The following MYT1 variants were observed in gnomAD, a reference collection of about 807,000 sequenced individuals.
MYT1 encodes myelin transcription factor I.
MYT1 carries 23 observed loss-of-function variants against 123.0 expected under a neutral mutation model. That is an observed-to-expected ratio of 0.19 (90% confidence interval 0.13 to 0.26). The LOEUF is 0.26. Among genes scored for constraint, MYT1 ranks in the 10% least tolerant of loss-of-function variants. The pLI, the probability that MYT1 is intolerant of heterozygous loss-of-function variation, is 1.00. For missense variants in MYT1, 1,125 were observed against 1,472.5 expected (o/e 0.76, Z 3.86); for synonymous variants, 518 against 575.3 (o/e 0.90, Z 1.43).
chr20:64,237,350 A>C lies in MYT1; in HGVS notation c.3053A>C (p.Asn1018Thr), dbSNP rs1438184553. 26 of 1,609,736 alleles carry C rather than the reference A, an allele frequency of 1.6e-5. No homozygotes were observed. Among genetic ancestry groups the C allele is most frequent in the Non-Finnish European group, 2.1e-5 (25 of 1,178,944 alleles). ...NQEIRDLNESNSEMEAAMVQL... is the reference protein window; with the variant it reads ...NQEIRDLNESTSEMEAAMVQL... ...GAGATCCGAGACCTGAACGAGTCCA[A>C]CTCGGAGATGGAGGCTGCCATGGTG... Residue 1018 changes from asparagine (N) to threonine (T), a missense_variant, in exon 21 of 23, where the codon AAC (asparagine) becomes ACC (threonine). Coordinates refer to ENST00000328439, the MANE Select transcript of MYT1 (RefSeq NM_004535.3).
At position 64,218,633 on chromosome 20, in the gene MYT1, C is replaced by A. The variant is rs923148900; in HGVS notation, c.1847-278C>A. ...CAGAAACAAGATTGTCTCCTCAGTC[C>A]CCTAGAGGAGGGTGGGTGGGAGTGA... On this transcript the variant is annotated intron_variant, in intron 11 of 22. Transcript: ENST00000328439. This position sits in a 1 kb window ranked among gnomAD's most constrained non-coding sequence, Gnocchi z 4.0. Among the ~76,000 whole-genome samples the A allele has an allele frequency of 3.3e-5, 5 of 152,114 alleles. No individual in the cohort carries two copies. The highest frequency in any genetic ancestry group is 1.2e-4 in the African/African-American group (5 of 41,414).
Position 64,211,251 on chromosome 20 carries a change from G to C in MYT1, c.1337G>C (p.Gly446Ala). The change falls in exon 8 of 23, where the codon GGC (glycine) becomes GCC (alanine). Residue 446 changes from glycine (G) to alanine (A), a missense_variant. Gly to Ala is a moderately conservative substitution (Grantham distance 60). Transcript: ENST00000328439. ...CGTGAGATCAAGTGTCCAACACCAG[G>C]CTGTGATGGCACTGGCCACGTTACC... is the stretch of plus-strand genomic sequence containing the variant. ...EKREIKCPTP[G>A]CDGTGHVTGL... 6.2e-7 allele frequency: 1 copy of C among 1,614,086 alleles called. No individual in the cohort carries two copies. Among genetic ancestry groups the C allele is most frequent in the South Asian group, 1.1e-5 (1 of 91,030 alleles).
At position 64,186,953 on chromosome 20, in the gene MYT1, C is replaced by T. The variant is rs796418949; in HGVS notation, c.-98-3110C>T. ...AGAGTTTTCCTGTAGCACGTGGCTC[C>T]GGCATCCACGTTTCCGTGGAGAGTT... On this transcript the variant is annotated intron_variant, in intron 1 of 22. Coordinates refer to ENST00000328439, the MANE Select transcript of MYT1 (RefSeq NM_004535.3). The surrounding 1 kb of genome is among the most constrained non-coding windows in gnomAD (Gnocchi z 4.3). Among the ~76,000 whole-genome samples the T allele has an allele frequency of 2.1e-5, 3 of 146,122 alleles. No individual in the cohort carries two copies. The highest frequency in any genetic ancestry group is 6.8e-5 in the Admixed American group (1 of 14,726).
In MYT1 at chr20:64,231,627, C is replaced by G. The variant is rs927687691; in HGVS notation, c.2676-537C>G. On this transcript the variant is annotated intron_variant, in intron 18 of 22. Transcript: ENST00000328439. The surrounding 1 kb of genome is among the most constrained non-coding windows in gnomAD (Gnocchi z 6.4). ...CTGCAACATCTATGGGCATTGCCCC[C>G]TGATTGCACTGGCCTCAGTCTGGGA... Among the ~76,000 whole-genome samples, 3 of 152,216 alleles carry G rather than the reference C, an allele frequency of 2.0e-5. No homozygotes were observed. Among genetic ancestry groups the G allele is most frequent in the Non-Finnish European group, 2.9e-5 (2 of 68,028 alleles).
chr20:64,216,195 C>T (rs1983833912), intron 10 of MYT1, among the ~76,000 whole-genome samples: 1 of 152,228 alleles, frequency 6.6e-6, no homozygotes, highest in South Asian at 2.1e-4. Context: ...TGTACACTTT[C>T]CAGACTGAAG....
In MYT1 at chr20:64,207,924, C is replaced by T. The variant is rs1390250102; in HGVS notation, c.728C>T (p.Ala243Val). 4 of 1,611,678 alleles carry T rather than the reference C, an allele frequency of 2.5e-6. No homozygotes were observed. The South Asian group carries it at 3.3e-5, about 13-fold the overall frequency. ...QDLCPQSLEDAASEESSKQKG... is the reference protein window; with the variant it reads ...QDLCPQSLEDVASEESSKQKG... ...CTGTGTCCCCAGTCCCTGGAGGATG[C>T]AGCCAGTGAGGAGTCCAGCAAGCAG... The change falls in exon 7 of 23, where the codon GCA becomes GTA. Residue 243 changes from alanine (A) to valine (V), a missense_variant. Ala to Val is a moderately conservative substitution (Grantham distance 64). Transcript: ENST00000328439.
chr20:64,225,710 T>G (rs986501570), intron 16 of MYT1, among the ~76,000 whole-genome samples: 3 of 152,120 alleles, frequency 2.0e-5, no homozygotes, highest in Non-Finnish European at 4.4e-5. Context: ...TCCAGATTCC[T>G]GCAGCTGACC....
chr20:64,220,010 C>T, intron 13 of MYT1, 28 bp downstream of exon 13: 1 of 1,441,654 alleles, frequency 6.9e-7, no homozygotes, highest in Non-Finnish European at 9.1e-7. Context: ...GGCAAGCAGT[C>T]AGGCGGCTGC....
Position 64,240,349 on chromosome 20 carries a change from C to G in MYT1, c.3267C>G (p.Ala1089=). 1 of 1,614,090 alleles carries G rather than the reference C, an allele frequency of 6.2e-7. No individual in the cohort carries two copies. Residue 1089 remains alanine (A), a synonymous_variant, in exon 23 of 23, where the codon GCC becomes GCG. Transcript: ENST00000328439. ...CAATATGCGAACAGAATTTCGATGC[C>G]TATGTGAGCACCCTCACCGACATGT... ...MEPICEQNFD[A]YVSTLTDMYS...
intron 22 of MYT1, 52 bp from the exon 23 acceptor site, chr20:64,240,268 G>T: frequency 6.3e-7 from 1 of 1,595,412 alleles, no homozygotes; most frequent in Non-Finnish European, 8.5e-7. Flanking sequence ...AGGCTCTGCG[G>T]TGTGGGGCCC....
intron 6 of MYT1, 149 bp downstream of exon 6, chr20:64,205,949 C>T: frequency 7.7e-7 from 1 of 1,305,438 alleles, no homozygotes; most frequent in East Asian, 2.5e-5. Context: ...TGCTGGGCTT[C>T]CTGGGAGAGA....
rs1983947789 is a variant in MYT1, at chr20:64,219,831, C to A, written c.2090C>A (p.Ser697Tyr). 6.2e-7 allele frequency: 1 copy of A among 1,611,788 alleles called. No homozygotes were observed. The change falls in exon 13 of 23, where the codon TCT becomes TAT. Residue 697 changes from serine to tyrosine, a missense_variant. Physicochemically the swap from Ser to Tyr is moderately radical, Grantham distance 144 (BLOSUM62 -2). Transcript: ENST00000328439. ...SSCSSSPGVK[S>Y]PDASQRHSST... ...TGCAGCAGCAGCCCCGGTGTGAAGT[C>A]TCCCGACGCCTCCCAGCGCCACAGC...
chr20:64,210,725 G>A (rs1321765158), intron 7 of MYT1, among the ~76,000 whole-genome samples: 1 of 152,254 alleles, frequency 6.6e-6, no homozygotes, highest in African/African-American at 2.4e-5. Context: ...AGAAGAGGTC[G>A]ATAACTGAGA....
chr20:64,201,905 C>A (rs901049890), intron 4 of MYT1, among the ~76,000 whole-genome samples: 1 of 138,058 alleles, frequency 7.2e-6, no homozygotes, highest in Non-Finnish European at 1.6e-5. Context: ...CCCCGTGTGT[C>A]GGGAACCCCC....
chr20:64,200,999 C>T (rs572350647), intron 4 of MYT1, among the ~76,000 whole-genome samples: 12 of 152,216 alleles, frequency 7.9e-5, no homozygotes, highest in East Asian at 1.9e-4. Flanking sequence ...ATTGCGACGG[C>T]GAGAGATGCT....
intron 3 of MYT1, 109 bp from the exon 4 acceptor site, chr20:64,199,783 T>C (rs1329663385): frequency 3.0e-6 from 4 of 1,313,636 alleles, no homozygotes; most frequent in Non-Finnish European, 4.4e-6. Flanking sequence ...TTGCCTCCAC[T>C]CGTCCTTGGC....
intron 16 of MYT1, among the ~76,000 whole-genome samples, chr20:64,226,695 T>C (rs989044369): frequency 2.3e-4 from 35 of 152,266 alleles, no homozygotes; most frequent in Non-Finnish European, 3.5e-4. Context: ...TCCGTGCTTG[T>C]AATATTAAAG....
rs1984677034 is a variant in MYT1 at position 64,240,271 on chromosome 20, T to C, written c.3238-49T>C. 8 of 1,597,600 alleles carry C rather than the reference T, an allele frequency of 5.0e-6. No homozygotes were observed. In the East Asian group the frequency reaches 1.8e-4, roughly 36 times the overall value. On this transcript the variant is annotated intron_variant, in intron 22 of 22. Coordinates refer to ENST00000328439, the MANE Select transcript of MYT1 (RefSeq NM_004535.3). Reference sequence around the variant, plus strand: ...TGCTCCCACATCAGGCTCTGCGGTGTGGGGCCCACTGCATGGACGGAGCTT... The same window carrying C: ...TGCTCCCACATCAGGCTCTGCGGTGCGGGGCCCACTGCATGGACGGAGCTT...
chr20:64,225,333 A>G (rs2320360), intron 16 of MYT1, among the ~76,000 whole-genome samples: 40,997 of 152,098 alleles, frequency 0.27, 5,621 homozygotes, highest in South Asian at 0.32. Context: ...GGTTCCTTTC[A>G]TGACTTCCCT....
Sources: allele counts gnomAD v4.1 joint callset (sites outside exome capture counted in the v4.1 genomes callset), GRCh38; gene constraint gnomAD v4.1.1; non-coding constraint Gnocchi (gnomAD v3.1); transcripts MANE v1.5; gene names NCBI Gene and HGNC (gene_info 2026-07-23, HGNC 2026-07-21).